CDH13: variants seen among roughly 807,000 people sequenced by gnomAD.
CDH13 encodes cadherin-13.
A neutral mutation model predicts 63.8 loss-of-function variants in CDH13; 24 were observed. The observed-to-expected ratio is 0.38, with a 90% CI of 0.27 to 0.53. CDH13 has a LOEUF of 0.53. Among genes scored for constraint, CDH13 ranks in the 20% least tolerant of loss-of-function variants. The pLI is 0.85. For synonymous variants in CDH13, 503 were observed against 355.3 expected, an observed-to-expected ratio of 1.42 and a Z score of -4.67; for missense variants, 1,049 against 903.1, an observed-to-expected ratio of 1.16 and a Z score of -2.07.
At chr16:83,707,901 TA>T (rs1567535399) in intron 10 of CDH13, among the ~76,000 whole-genome samples, 1 of 148,072 alleles carries the variant, frequency 6.8e-6, no homozygotes, top group East Asian at 2.0e-4. Context: ...AAGAATACTT[TA>T]TTTTCCTTCT....
intron 7 of CDH13, among the ~76,000 whole-genome samples, chr16:83,496,100 A>G (rs1000872755): frequency 6.6e-6 from 1 of 151,924 alleles, no homozygotes; most frequent in Non-Finnish European, 1.5e-5. Flanking sequence ...TAATTTACAG[A>G]TTCAGTGCCA....
chr16:83,474,425 C>A (rs145845808), intron 6 of CDH13, among the ~76,000 whole-genome samples: 2 of 152,260 alleles, frequency 1.3e-5, no homozygotes, highest in African/African-American at 4.8e-5. Context: ...AGGCCCCACA[C>A]CAGGCCAGTA....
chr16:82,643,795 T>G (rs1909720925), intron 1 of CDH13, among the ~76,000 whole-genome samples: 1 of 152,168 alleles, frequency 6.6e-6, no homozygotes, highest in African/African-American at 2.4e-5. Context: ...CAGGCTGGAT[T>G]GCAGTGGTGC....
At chr16:83,255,702 G>A (rs776141489) in intron 5 of CDH13, among the ~76,000 whole-genome samples, 1 of 152,120 alleles carries the variant, frequency 6.6e-6, no homozygotes, top group Admixed American at 6.5e-5. Context: ...CTTTTATTAT[G>A]CTCTTTTCAA....
chr16:82,851,478 C>A (rs142717522), intron 1 of CDH13, among the ~76,000 whole-genome samples: 1 of 150,780 alleles, frequency 6.6e-6, no homozygotes, highest in Non-Finnish European at 1.5e-5. Flanking sequence ...AAGAAAGCAA[C>A]AATGGGACCG....
chr16:82,977,324 A>G (rs1405168188), intron 2 of CDH13, among the ~76,000 whole-genome samples: 2 of 152,136 alleles, frequency 1.3e-5, no homozygotes, highest in African/African-American at 4.8e-5. Flanking sequence ...CCAGAAGCTT[A>G]GTAGTCATTT....
intron 11 of CDH13, among the ~76,000 whole-genome samples, chr16:83,761,554 A>C (rs985877346): frequency 7.2e-5 from 11 of 152,214 alleles, no homozygotes; most frequent in African/African-American, 2.7e-4. Context: ...AAGCAGCTGG[A>C]TTGGTTACAC....
At chr16:83,215,989 C>A (rs900279928) in intron 4 of CDH13, among the ~76,000 whole-genome samples, 2 of 149,644 alleles carry the variant, frequency 1.3e-5, no homozygotes, top group African/African-American at 5.0e-5. Context: ...AAAAGACCAC[C>A]CCCCATACTT....
rs138285300 is a variant in CDH13 at position 82,901,035 on chromosome 16, C to T, written c.157+42562C>T. On this transcript the variant is annotated intron_variant, in intron 2 of 13. Coordinates refer to ENST00000567109, the MANE Select transcript of CDH13 (RefSeq NM_001257.5). Reference sequence around the variant, plus strand: ...GTTCTTGGAGATCAAGTTAATGCCCCTCATAAGGTTGTTTCACATGAGCCA... The same window carrying T: ...GTTCTTGGAGATCAAGTTAATGCCCTTCATAAGGTTGTTTCACATGAGCCA... Among the ~76,000 whole-genome samples, 42 of 151,636 alleles carry T rather than the reference C, an allele frequency of 2.8e-4. No individual in the cohort carries two copies. The Middle Eastern group carries it at 0.01, about 37-fold the overall frequency.
At chr16:82,875,320 G>C (rs754767881) in intron 2 of CDH13, among the ~76,000 whole-genome samples, 1 of 152,142 alleles carries the variant, frequency 6.6e-6, no homozygotes, top group Non-Finnish European at 1.5e-5. Flanking sequence ...CGTTTTGTTG[G>C]CTATAATTAC....
At position 83,165,931 on chromosome 16, in the gene CDH13, G is replaced by T. The variant is rs531987320; in HGVS notation, c.483+40430G>T. On this transcript the variant is annotated intron_variant, in intron 4 of 13. Transcript: ENST00000567109. ...GAAGAGTAGCCTGGAATCAACAGTG[G>T]TGGGAGAGGCTGGAGGGCCTCAGGA... Among the ~76,000 whole-genome samples, 81 of 152,242 alleles carry T rather than the reference G, an allele frequency of 5.3e-4. 1 individual carries two copies. Among genetic ancestry groups the T allele is most frequent in the Non-Finnish European group, 9.0e-4 (61 of 68,018 alleles).
intron 5 of CDH13, among the ~76,000 whole-genome samples, chr16:83,322,104 G>T (rs2090241558): frequency 6.6e-6 from 1 of 152,220 alleles, no homozygotes; most frequent in Non-Finnish European, 1.5e-5. Context: ...ACAAGGGGCT[G>T]TTACTAGGAA....
intron 6 of CDH13, among the ~76,000 whole-genome samples, chr16:83,415,678 G>C (rs1288952556): frequency 6.6e-6 from 1 of 152,084 alleles, no homozygotes; most frequent in South Asian, 2.1e-4. Context: ...CTCAGATGCA[G>C]AAAAAGTACT....
intron 4 of CDH13, among the ~76,000 whole-genome samples, chr16:83,142,910 C>T (rs1020564925): frequency 1.3e-5 from 2 of 152,158 alleles, no homozygotes; most frequent in East Asian, 1.9e-4. Context: ...CAAAGACCAG[C>T]CTGACCCACA....
chr16:83,458,341 A>T (rs1035683144), intron 6 of CDH13, among the ~76,000 whole-genome samples: 1 of 152,214 alleles, frequency 6.6e-6, no homozygotes, highest in Non-Finnish European at 1.5e-5. Flanking sequence ...AAGCACAGAA[A>T]TGACTACATT....
intron 4 of CDH13, among the ~76,000 whole-genome samples, chr16:83,168,570 T>C (rs2037786823): frequency 6.6e-6 from 1 of 152,030 alleles, no homozygotes; most frequent in Non-Finnish European, 1.5e-5. Flanking sequence ...TTATTCTGAT[T>C]ATAAAAGTAA....
At chr16:83,440,648 A>G (rs2072452780) in intron 6 of CDH13, among the ~76,000 whole-genome samples, 1 of 151,880 alleles carries the variant, frequency 6.6e-6, no homozygotes, top group Non-Finnish European at 1.5e-5. Flanking sequence ...AACTGAGCAT[A>G]GTGGCGCACA....
intron 8 of CDH13, among the ~76,000 whole-genome samples, chr16:83,611,444 G>T (rs1429544146): frequency 6.6e-6 from 1 of 151,470 alleles, no homozygotes; most frequent in Non-Finnish European, 1.5e-5. Context: ...TTTCTTGGTT[G>T]GTCCTGCCAT....
chr16:83,029,360 G>A (rs12445124), intron 2 of CDH13, among the ~76,000 whole-genome samples: 2,121 of 152,198 alleles, frequency 0.014, 23 homozygotes, highest in Middle Eastern at 0.024. Flanking sequence ...ATGTACACAA[G>A]AAAGTTCCTA....
Sources: gnomAD v4.1 joint callset for allele counts (sites outside exome capture counted in the v4.1 genomes callset) on GRCh38, gnomAD v4.1.1 for gene constraint, MANE v1.5 for transcripts, NCBI Gene and HGNC (gene_info 2026-07-23, HGNC 2026-07-21) for gene names.